The following MUC5AC variants were observed in gnomAD, a reference collection of about 807,000 sequenced individuals.
MUC5AC encodes mucin 5AC, oligomeric mucus/gel-forming, also known as mucin-5AC.
MUC5AC carries 158 observed loss-of-function variants against 169.7 expected under a neutral mutation model. The observed-to-expected ratio is 0.93, with a 90% CI of 0.82 to 1.06. The LOEUF is 1.06. MUC5AC is among the 50% of genes least tolerant of loss of function. MUC5AC has a pLI of 0.00. For synonymous variants in MUC5AC, 1,975 were observed against 1,237.0 expected, an observed-to-expected ratio of 1.60 and a Z score of -12.52; for missense variants, 4,359 against 3,089.9, an observed-to-expected ratio of 1.41 and a Z score of -9.74.
At position 1,181,734 on chromosome 11, in the gene MUC5AC, G is replaced by A. The variant is rs1238747551; in HGVS notation, c.4009+275G>A. 2.0e-5 allele frequency among the ~76,000 whole-genome samples: 3 copies of A among 152,322 alleles called. No homozygotes were observed. In the South Asian group the frequency reaches 6.2e-4, roughly 32 times the overall value. Reference sequence around the variant, plus strand: ...CAGCCCCCGGGCCTGGCCTCATTGGGGTGTCAGGGGTCTGGCAGCCCAGGC... The same window carrying A: ...CAGCCCCCGGGCCTGGCCTCATTGGAGTGTCAGGGGTCTGGCAGCCCAGGC... On this transcript the variant is annotated intron_variant, in intron 30 of 48. Transcript: ENST00000621226.
chr11:1,176,071 C>T (rs902730749), intron 19 of MUC5AC, 80 bp from the exon 20 acceptor site: 2 of 396,650 alleles, frequency 5.0e-6, no homozygotes, highest in Non-Finnish European at 8.9e-6. Context: ...GCACATGGCA[C>T]AGACACGTCC....
At chr11:1,173,325 T>TCACTCACC (rs1564910600) in intron 16 of MUC5AC, among the ~76,000 whole-genome samples, 2 of 104,744 alleles carry the variant, frequency 1.9e-5, no homozygotes, top group East Asian at 4.0e-4. Context: ...ACTCATCCAC[T>TCACTCACC]CACTCACTCA....
intron 16 of MUC5AC, among the ~76,000 whole-genome samples, chr11:1,173,310 CACT>C: frequency 3.8e-5 from 5 of 130,820 alleles, no homozygotes; most frequent in Non-Finnish European, 7.0e-5. Context: ...CTCACCCACT[CACT>C]CACTCATCCA....
chr11:1,179,140 T>G lies in MUC5AC; in HGVS notation c.3376T>G (p.Cys1126Gly). 1.5e-6 allele frequency: 1 copy of G among 665,700 alleles called. No homozygotes were observed. The highest frequency in any genetic ancestry group is 1.6e-5 in the South Asian group (1 of 62,062). 41.2% of individuals were successfully genotyped at this position (665,700 alleles called of 1,614,324 possible). ...GGCCTGCGTGAACGACGCGTGCGCCTGCGACTCCGGGGGTGACTGCGAGTG... is the reference window on the plus strand; with the variant it reads ...GGCCTGCGTGAACGACGCGTGCGCCGGCGACTCCGGGGGTGACTGCGAGTG... ...YEACVNDACACDSGGDCECFC... is the reference protein window; with the variant it reads ...YEACVNDACAGDSGGDCECFC... Residue 1126 changes from cysteine (C) to glycine (G), a missense_variant, in exon 26 of 49, where the codon TGC becomes GGC. Coordinates refer to ENST00000621226, the MANE Select transcript of MUC5AC (RefSeq NM_001304359.2).
intron 16 of MUC5AC, 130 bp downstream of exon 16, chr11:1,172,653 AG>A (rs1335954432): frequency 2.1e-4 from 85 of 397,710 alleles, no homozygotes; most frequent in Middle Eastern, 1.9e-3. Context: ...GATGGGCACC[AG>A]GGGCTGGAAC....
intron 28 of MUC5AC, 46 bp downstream of exon 28, chr11:1,180,562 G>C (rs1466972231): frequency 7.5e-6 from 3 of 398,388 alleles, no homozygotes; most frequent in Admixed American, 8.8e-5. Context: ...GCATGCAGGG[G>C]AATTTGACCA....
At chr11:1,175,720 AC>A (rs1347682949) in intron 19 of MUC5AC, among the ~76,000 whole-genome samples, 1 of 144,658 alleles carries the variant, frequency 6.9e-6, no homozygotes, top group Non-Finnish European at 1.5e-5. Flanking sequence ...ACACGCTCAC[AC>A]ACCCACTCAT....
chr11:1,194,872 G>C, intron 35 of MUC5AC, 140 bp from the exon 36 acceptor site: 1 of 617,158 alleles, frequency 1.6e-6, no homozygotes, highest in Non-Finnish European at 2.9e-6. Flanking sequence ...GGTTGTTCTC[G>C]GGGGACAGTG....
chr11:1,171,492 C>CCCAT (rs1860533883), intron 15 of MUC5AC, among the ~76,000 whole-genome samples: 1 of 145,554 alleles, frequency 6.9e-6, no homozygotes, highest in Non-Finnish European at 1.5e-5. Context: ...CACCCACTCA[C>CCCAT]TCACCCATTC....
Position 1,185,247 on chromosome 11 carries a change from C to G in MUC5AC, c.7102C>G (p.Pro2368Ala), listed in dbSNP as rs1860909657. Residue 2368 changes from proline to alanine, a missense_variant, in exon 31 of 49, where the codon CCT (proline) becomes GCT (alanine). By Grantham distance (27) the Pro-to-Ala change is conservative. Coordinates refer to ENST00000621226, the MANE Select transcript of MUC5AC (RefSeq NM_001304359.2). ...CCCTACAACCAGCACAACCTCTGCT[C>G]CTACAACCAGCACAACCTCTGCCCG... ...SAPTTSTTSA[P>A]TTSTTSARTS... 8 of 712,722 alleles carry G rather than the reference C, an allele frequency of 1.1e-5. No homozygotes were observed. The highest frequency in any genetic ancestry group is 1.8e-5 in the Non-Finnish European group (7 of 392,042). 44.1% of individuals were successfully genotyped at this position (712,722 alleles called of 1,614,324 possible).
At position 1,200,573 on chromosome 11, in the gene MUC5AC, C is replaced by T. The variant is rs775257388; in HGVS notation, c.16836C>T (p.Cys5612=). ...TCAGCTACACCGAGGTGGAAGAGTGCGGCTGCATGGGCCGGCGGTGCCCTG... is the reference window on the plus strand; with the variant it reads ...TCAGCTACACCGAGGTGGAAGAGTGTGGCTGCATGGGCCGGCGGTGCCCTG... ...RAFSYTEVEE[C]GCMGRRCPAP... is the part of the protein sequence containing the mutation. Residue 5612 remains cysteine, a synonymous_variant, in exon 49 of 49, where the codon TGC becomes TGT. Coordinates refer to ENST00000621226, the MANE Select transcript of MUC5AC (RefSeq NM_001304359.2). The T allele has an allele frequency of 8.0e-5, 61 of 764,438 alleles. No individual in the cohort carries two copies. Among genetic ancestry groups the T allele is most frequent in the Non-Finnish European group, 1.2e-4 (51 of 417,586 alleles). 47.4% of individuals were successfully genotyped at this position (764,438 alleles called of 1,614,324 possible).
In MUC5AC at chr11:1,184,321, C is replaced by A. The variant is rs1462376807; in HGVS notation, c.6176C>A (p.Thr2059Asn). 12 of 474,658 alleles carry A rather than the reference C, an allele frequency of 2.5e-5. No homozygotes were observed. The East Asian group carries it at 3.7e-4, about 15-fold the overall frequency. 29.4% of individuals were successfully genotyped at this position (474,658 alleles called of 1,614,324 possible). ...AGAGACATCACCAGACCGCCAAAGA[C>A]CGTCGCAACGACACGGCCGACTCCA... The part of the protein sequence containing the change: ...VCRDITRPPK[T>N]VATTRPTPHP... Residue 2059 changes from threonine to asparagine, a missense_variant, in exon 31 of 49, where the codon ACC (threonine) becomes AAC (asparagine). Coordinates refer to ENST00000621226, the MANE Select transcript of MUC5AC (RefSeq NM_001304359.2).
chr11:1,193,458 A>G (rs1564918024), intron 32 of MUC5AC, 27 bp from the exon 33 acceptor site: 5 of 702,176 alleles, frequency 7.1e-6, no homozygotes, highest in Non-Finnish European at 1.0e-5. Flanking sequence ...GAGAGGCCGG[A>G]CCCTGCAGGT....
Position 1,196,440 on chromosome 11 carries a change from C to T in MUC5AC, c.15690C>T (p.Pro5230=). The change falls in exon 38 of 49, where the codon CCC becomes CCT. Residue 5230 remains proline (P), a synonymous_variant. Transcript: ENST00000621226. ...ACCAGCCCTGCGGCCCGAGCAACCC[C>T]TCCTACTGCTACGGGAATGACAGCG... The part of the protein sequence containing the change: ...KVYQPCGPSN[P]SYCYGNDSAS... 1 of 765,066 alleles carries T rather than the reference C, an allele frequency of 1.3e-6. No individual in the cohort carries two copies. The allele number at this position is 765,066 out of a possible 1,614,324, so 47.4% of individuals were successfully genotyped here. A position where few individuals can be genotyped will look rare whatever the true frequency, so the allele number is the denominator to read the frequency against.
At chr11:1,194,818 C>A (rs1369657392) in intron 35 of MUC5AC, 148 bp downstream of exon 35, 2 of 609,370 alleles carry the variant, frequency 3.3e-6, no homozygotes, top group African/African-American at 3.7e-5. Flanking sequence ...AGGCTTACGC[C>A]TGCCGGTACC....
Position 1,192,382 on chromosome 11 carries a change from C to G in MUC5AC, c.14237C>G (p.Ala4746Gly), listed in dbSNP as rs764893036. Residue 4746 changes from alanine to glycine, a missense_variant, in exon 31 of 49, where the codon GCT (alanine) becomes GGT (glycine). Physicochemically the swap from Ala to Gly is moderately conservative, Grantham distance 60 (BLOSUM62 0). Coordinates refer to ENST00000621226, the MANE Select transcript of MUC5AC (RefSeq NM_001304359.2). ...VTPYGTSPTNALYPSLSTSMV... is the reference protein window; with the variant it reads ...VTPYGTSPTNGLYPSLSTSMV... Reference sequence around the variant, plus strand: ...CCATATGGGACTTCTCCTACCAATGCTCTGTATCCTTCCCTGTCTACTTCC... The same window carrying G: ...CCATATGGGACTTCTCCTACCAATGGTCTGTATCCTTCCCTGTCTACTTCC... The G allele has an allele frequency of 1.3e-6, 1 of 765,160 alleles. No homozygotes were observed. 47.4% of individuals were successfully genotyped at this position (765,160 alleles called of 1,614,324 possible). A position where few individuals can be genotyped will look rare whatever the true frequency, so the allele number is the denominator to read the frequency against.
chr11:1,164,650 G>T, intron 9 of MUC5AC, 118 bp downstream of exon 9: 1 of 1,380,734 alleles, frequency 7.2e-7, no homozygotes, highest in South Asian at 1.5e-5. Context: ...CCCTGAGGCT[G>T]ACTGAGGCCC....
At position 1,194,340 on chromosome 11, in the gene MUC5AC, C is replaced by A. The variant is rs963786957; in HGVS notation, c.14986C>A (p.His4996Asn). The A allele has an allele frequency of 6.8e-6, 5 of 736,032 alleles. No homozygotes were observed. The African/African-American group carries it at 8.6e-5, about 13-fold the overall frequency. 45.6% of individuals were successfully genotyped at this position (736,032 alleles called of 1,614,324 possible). A position where few individuals can be genotyped will look rare whatever the true frequency, so the allele number is the denominator to read the frequency against. ...CGTGGTGCTGACCCGCAAGCCAGTC[C>A]ACGGGGTGATGACAAACGAGGTGGG... ...DRVVLTRKPV[H>N]GVMTNEIIFN... is the part of the protein sequence containing the mutation. Residue 4996 changes from histidine (H) to asparagine (N), a missense_variant, in exon 34 of 49, where the codon CAC (histidine) becomes AAC (asparagine). Coordinates refer to ENST00000621226, the MANE Select transcript of MUC5AC (RefSeq NM_001304359.2).
chr11:1,165,598 C>T (rs745395430), intron 10 of MUC5AC, 24 bp from the exon 11 acceptor site: 58 of 1,610,420 alleles, frequency 3.6e-5, no homozygotes, highest in African/African-American at 2.4e-4. Context: ...CCGGCACCCA[C>T]GTGGCACCAT....
Sources: gnomAD v4.1 joint callset for allele counts (sites outside exome capture counted in the v4.1 genomes callset) on GRCh38, gnomAD v4.1.1 for gene constraint, MANE v1.5 for transcripts, NCBI Gene and HGNC (gene_info 2026-07-23, HGNC 2026-07-21) for gene names.